Variants in MAN2A1 observed in about 807,000 individuals in gnomAD.
MAN2A1 encodes the protein alpha-mannosidase 2.
A neutral mutation model predicts 142.6 loss-of-function variants in MAN2A1; 76 were observed. The ratio of observed to expected loss-of-function variants is 0.53; its 90% confidence interval spans 0.44 to 0.65. The LOEUF (loss-of-function observed/expected upper bound fraction) is 0.65, where lower values mean the gene tolerates loss of function less well. Ranked by LOEUF, MAN2A1 falls within the 30% of genes least tolerant of loss-of-function variation. The pLI, the probability that MAN2A1 is intolerant of heterozygous loss-of-function variation, is 0.00. For synonymous variants in MAN2A1, 559 were observed against 473.2 expected (o/e 1.18, Z -2.35); for missense variants, 1,311 against 1,365.1 (o/e 0.96, Z 0.62).
chr5:109,713,588 C>G lies in MAN2A1; in HGVS notation c.204C>G (p.Ile68Met). The G allele has an allele frequency of 6.2e-7, 1 of 1,613,450 alleles. No homozygotes were observed. The highest frequency in any genetic ancestry group is 1.1e-5 in the South Asian group (1 of 91,066). ...LERLLAENNE[I>M]ISNIRDSVIN... ...GTTTGCTAGCTGAGAATAATGAGATCATCTCAAATATTAGAGACTCAGTCA... is the reference window on the plus strand; with the variant it reads ...GTTTGCTAGCTGAGAATAATGAGATGATCTCAAATATTAGAGACTCAGTCA... Residue 68 changes from isoleucine to methionine, a missense_variant, in exon 2 of 22, where the codon ATC becomes ATG. Around this residue, in one of 3 missense-constraint regions of MAN2A1, gnomAD observed 409 missense variants for 412.7 expected, o/e 0.99. Coordinates refer to ENST00000261483, the MANE Select transcript of MAN2A1 (RefSeq NM_002372.4).
intron 3 of MAN2A1, among the ~76,000 whole-genome samples, chr5:109,718,994 A>G (rs1462323840): frequency 3.4e-5 from 2 of 59,390 alleles, no homozygotes; most frequent in African/African-American, 2.4e-4. Context: ...AAAAAAACTT[A>G]TTTAAAGTAC....
At chr5:109,814,196 A>G (rs1026066740) in intron 12 of MAN2A1, among the ~76,000 whole-genome samples, 1 of 152,210 alleles carries the variant, frequency 6.6e-6, no homozygotes, top group African/African-American at 2.4e-5. Context: ...TGAAGATATA[A>G]ACATAATTCT....
chr5:109,784,313 C>G (rs1156395370), intron 9 of MAN2A1, among the ~76,000 whole-genome samples: 2 of 152,166 alleles, frequency 1.3e-5, no homozygotes, highest in East Asian at 1.9e-4. Context: ...GCCTTTCTTT[C>G]TCATTTCTCT....
chr5:109,704,800 C>T lies in MAN2A1; in HGVS notation c.136-8720C>T, dbSNP rs114475614. Among the ~76,000 whole-genome samples, 507 of 152,264 alleles carry T rather than the reference C, an allele frequency of 3.3e-3. 2 individuals carry two copies. Among genetic ancestry groups the T allele is most frequent in the African/African-American group, 0.011 (469 of 41,568 alleles). On this transcript the variant is annotated intron_variant, in intron 1 of 21. Coordinates refer to ENST00000261483, the MANE Select transcript of MAN2A1 (RefSeq NM_002372.4). Reference sequence around the variant, plus strand: ...GTTCCTATATTTAGCTTTAATGCGGCGCTTCTTAACTGGGGATGTGTGAGA... The same window carrying T: ...GTTCCTATATTTAGCTTTAATGCGGTGCTTCTTAACTGGGGATGTGTGAGA...
intron 4 of MAN2A1, among the ~76,000 whole-genome samples, chr5:109,734,514 A>G (rs1752025691): frequency 6.6e-6 from 1 of 152,118 alleles, no homozygotes; most frequent in African/African-American, 2.4e-5. Flanking sequence ...ATTTAGTGCT[A>G]TAAATTTCCC....
intron 12 of MAN2A1, among the ~76,000 whole-genome samples, chr5:109,805,882 A>G (rs1463206087): frequency 2.0e-5 from 3 of 152,312 alleles, no homozygotes; most frequent in South Asian, 2.1e-4. Context: ...CTGTCTTCCA[A>G]AATATCTCCA....
chr5:109,714,188 T>C (rs1751388803), intron 2 of MAN2A1, among the ~76,000 whole-genome samples: 1 of 151,774 alleles, frequency 6.6e-6, no homozygotes, highest in Non-Finnish European at 1.5e-5. Flanking sequence ...TTTTTTTTTT[T>C]TTTCTTAATA....
At chr5:109,759,294 T>A (rs1316010417) in intron 5 of MAN2A1, among the ~76,000 whole-genome samples, 5 of 152,188 alleles carry the variant, frequency 3.3e-5, no homozygotes, top group Admixed American at 3.3e-4. Flanking sequence ...GTTAAATATG[T>A]TCCTAGGCAT....
intron 5 of MAN2A1, 81 bp downstream of exon 5, chr5:109,755,537 C>A: frequency 9.4e-7 from 1 of 1,064,202 alleles, no homozygotes; most frequent in Non-Finnish European, 1.4e-6. Context: ...GTTCTTTTTT[C>A]GAGTAACTAT....
intron 12 of MAN2A1, 138 bp downstream of exon 12, chr5:109,789,665 T>C: frequency 1.7e-6 from 1 of 596,912 alleles, no homozygotes; most frequent in South Asian, 2.4e-5. Context: ...ATGGATTTTC[T>C]TTCATGACTG....
At chr5:109,843,030 T>C (rs910667002) in intron 17 of MAN2A1, among the ~76,000 whole-genome samples, 5 of 152,112 alleles carry the variant, frequency 3.3e-5, no homozygotes, top group Non-Finnish European at 7.4e-5. Flanking sequence ...GGTCTCGAAC[T>C]CTTGGACTCA....
chr5:109,813,172 T>C (rs567120601), intron 12 of MAN2A1, among the ~76,000 whole-genome samples: 1 of 152,324 alleles, frequency 6.6e-6, no homozygotes, highest in East Asian at 1.9e-4. Flanking sequence ...ATATAAATTT[T>C]CTTTCACAAA....
At chr5:109,770,694 C>T (rs762936420) in intron 7 of MAN2A1, among the ~76,000 whole-genome samples, 153 bp downstream of exon 7, 16 of 152,028 alleles carry the variant, frequency 1.1e-4, no homozygotes, top group Non-Finnish European at 1.8e-4. Flanking sequence ...CTTAAAAATG[C>T]CAGAGCCTTG....
At chr5:109,704,272 A>G (rs187333804) in intron 1 of MAN2A1, among the ~76,000 whole-genome samples, 1 of 152,292 alleles carries the variant, frequency 6.6e-6, no homozygotes, top group Non-Finnish European at 1.5e-5. Context: ...CAGGTGTGAG[A>G]TTTATGAAAA....
chr5:109,814,736 G>A (rs939218671), intron 12 of MAN2A1, among the ~76,000 whole-genome samples: 1 of 152,128 alleles, frequency 6.6e-6, no homozygotes, highest in African/African-American at 2.4e-5. Flanking sequence ...TTAATAGGGT[G>A]CAAAACCAAA....
At chr5:109,745,258 T>C (rs1218849605) in intron 4 of MAN2A1, among the ~76,000 whole-genome samples, 2 of 152,138 alleles carry the variant, frequency 1.3e-5, no homozygotes, top group Admixed American at 1.3e-4. Flanking sequence ...TAAAATATTT[T>C]AGAAAATGTA....
chr5:109,769,530 C>T (rs1207244240), intron 6 of MAN2A1, among the ~76,000 whole-genome samples: 3 of 152,226 alleles, frequency 2.0e-5, no homozygotes, highest in East Asian at 3.9e-4. Context: ...GGATCATATT[C>T]GCAAAGATAG....
intron 9 of MAN2A1, 41 bp from the exon 10 acceptor site, chr5:109,784,703 G>T: frequency 6.9e-7 from 1 of 1,453,912 alleles, no homozygotes; most frequent in Non-Finnish European, 9.2e-7. Flanking sequence ...ATAAGCTAAA[G>T]TGTTTGTTTT....
intron 19 of MAN2A1, among the ~76,000 whole-genome samples, chr5:109,852,811 A>C (rs1306256667): frequency 6.6e-6 from 1 of 152,244 alleles, no homozygotes; most frequent in South Asian, 2.1e-4. Flanking sequence ...TATGATTTAC[A>C]GTGGAAAGGT....
Sources: allele counts gnomAD v4.1 joint callset (sites outside exome capture counted in the v4.1 genomes callset), GRCh38; gene constraint gnomAD v4.1.1; regional missense constraint gnomAD v4.1.1; transcripts MANE v1.5; gene names NCBI Gene and HGNC (gene_info 2026-07-23, HGNC 2026-07-21).